The following ZNF644 variants were observed in gnomAD, a reference collection of about 807,000 sequenced individuals.
ZNF644 encodes zinc finger motif enhancer binding protein 2.
Under a neutral mutation model 108.0 loss-of-function variants are expected in ZNF644, and 20 were observed. The ratio of observed to expected loss-of-function variants is 0.19; its 90% CI spans 0.13 to 0.27. The LOEUF (loss-of-function observed/expected upper bound fraction) is 0.27. ZNF644 is among the 10% of genes least tolerant of loss of function. The probability of loss-of-function intolerance (pLI) is 1.00; values close to 1 mark genes in which losing one functional copy is unlikely to be tolerated. For missense variants in ZNF644, 1,338 were observed against 1,548.9 expected (o/e 0.86, Z 2.29); for synonymous variants, 542 against 539.1 (o/e 1.01, Z -0.08).
At chr1:90,989,923 C>T (rs541748035) in intron 1 of ZNF644, among the ~76,000 whole-genome samples, 1 of 152,122 alleles carries the variant, frequency 6.6e-6, no homozygotes, top group East Asian at 1.9e-4. Flanking sequence ...CCACTGTCCA[C>T]CAATGTATAA....
At chr1:90,973,566 G>C (rs1015222500) in intron 2 of ZNF644, among the ~76,000 whole-genome samples, 1 of 152,130 alleles carries the variant, frequency 6.6e-6, no homozygotes, top group African/African-American at 2.4e-5. Context: ...AAATAAGTCT[G>C]CATTTATCAT....
Position 91,013,690 on chromosome 1 carries a change from A to C in ZNF644, c.-18+8300T>G, listed in dbSNP as rs117500369. Among the ~76,000 whole-genome samples the C allele has an allele frequency of 2.3e-4, 35 of 152,264 alleles. No homozygotes were observed. The East Asian group carries it at 6.2e-3, about 27-fold the overall frequency. ...TTATTCTTTCCCTATACCCCATAGG[A>C]CTTACTATCTGTAATTGCACTGTCC... On this transcript the variant is annotated intron_variant, in intron 1 of 5. Transcript: ENST00000337393.
intron 4 of ZNF644, among the ~76,000 whole-genome samples, chr1:90,921,026 G>A (rs1649372987): frequency 6.6e-6 from 1 of 151,952 alleles, no homozygotes; most frequent in Admixed American, 6.6e-5. Context: ...TTAAAATTGA[G>A]TATTTAACAT....
intron 1 of ZNF644, chr1:91,021,741 G>A (rs920882576): frequency 5.1e-6 from 1 of 195,760 alleles, no homozygotes; most frequent in East Asian, 9.9e-5. Context: ...CCCCGAACCC[G>A]GGGCCCGGGC....
Position 90,918,039 on chromosome 1 carries a change from T to A in ZNF644, c.3791+13A>T. 1 of 1,604,656 alleles carries A rather than the reference T, an allele frequency of 6.2e-7. No individual in the cohort carries two copies. The highest frequency in any genetic ancestry group is 8.5e-7 in the Non-Finnish European group (1 of 1,171,442). ...TGAAGAAACTGATCAGATTTGGCAA[T>A]ATAGGCATATACCTGCATCGGAGAA... On this transcript the variant is annotated intron_variant, in intron 5 of 5. Coordinates refer to ENST00000337393, the MANE Select transcript of ZNF644 (RefSeq NM_201269.3).
At chr1:90,996,794 C>T (rs975566116) in intron 1 of ZNF644, among the ~76,000 whole-genome samples, 1 of 152,076 alleles carries the variant, frequency 6.6e-6, no homozygotes, top group African/African-American at 2.4e-5. Context: ...TAACTAAAAA[C>T]AAAAACCCAA....
chr1:90,991,276 T>C (rs1657609987), intron 1 of ZNF644, among the ~76,000 whole-genome samples: 1 of 152,302 alleles, frequency 6.6e-6, no homozygotes, highest in South Asian at 2.1e-4. Context: ...AGACCAACCA[T>C]ACCAAGTGTT....
At chr1:91,007,106 G>A (rs1008237580) in intron 1 of ZNF644, among the ~76,000 whole-genome samples, 5 of 149,756 alleles carry the variant, frequency 3.3e-5, no homozygotes, top group East Asian at 4.0e-4. Flanking sequence ...TCACCATGAT[G>A]TATCTTGATG....
intron 4 of ZNF644, chr1:90,918,360 A>G (rs1025361170): frequency 1.2e-5 from 7 of 566,488 alleles, no homozygotes; most frequent in Admixed American, 2.8e-5. Context: ...TATTATCTGT[A>G]CTGAAGAATA....
At chr1:90,957,938 A>G (rs1653915796) in intron 2 of ZNF644, among the ~76,000 whole-genome samples, 1 of 152,244 alleles carries the variant, frequency 6.6e-6, no homozygotes, top group Non-Finnish European at 1.5e-5. Context: ...CAAGCACAAC[A>G]GCAACATGCA....
chr1:90,957,145 T>A (rs764697914), intron 2 of ZNF644, among the ~76,000 whole-genome samples: 1 of 151,970 alleles, frequency 6.6e-6, no homozygotes, highest in Non-Finnish European at 1.5e-5. Context: ...GTAAAGAGAA[T>A]GAACTAATAA....
intron 1 of ZNF644, among the ~76,000 whole-genome samples, chr1:90,990,925 C>T (rs1052928596): frequency 2.0e-5 from 3 of 152,112 alleles, no homozygotes; most frequent in African/African-American, 7.2e-5. Context: ...AGAAGAACTA[C>T]AAAGTGGCAC....
At chr1:91,012,014 T>A (rs970958251) in intron 1 of ZNF644, among the ~76,000 whole-genome samples, 7 of 152,022 alleles carry the variant, frequency 4.6e-5, no homozygotes, top group Non-Finnish European at 1.5e-5. Flanking sequence ...AATTCAAATC[T>A]CTGCATTCTA....
chr1:90,930,945 T>A (rs1650665079), intron 4 of ZNF644, among the ~76,000 whole-genome samples: 1 of 152,184 alleles, frequency 6.6e-6, no homozygotes, highest in African/African-American at 2.4e-5. Context: ...CCTCAAAATA[T>A]ATTTTTTTTC....
At chr1:91,005,758 G>C (rs78703792) in intron 1 of ZNF644, among the ~76,000 whole-genome samples, 10 of 151,900 alleles carry the variant, frequency 6.6e-5, no homozygotes, top group Admixed American at 5.2e-4. Flanking sequence ...TAAAACTTAT[G>C]GGATGAAGTA....
In ZNF644 at chr1:90,940,195, A is replaced by C. The variant is rs1651800709; in HGVS notation, c.1159T>G (p.Leu387Val). Reference sequence around the variant, plus strand: ...TCACTCTCTTCACATTTCTTTTTTAAGGTATTTGAAAGAAAAGTGCTAGTA... The same window carrying C: ...TCACTCTCTTCACATTTCTTTTTTACGGTATTTGAAAGAAAAGTGCTAGTA... Reference protein sequence around the residue: ...VHTSTFLSNTLKKKCEESDSE... With the variant: ...VHTSTFLSNTVKKKCEESDSE... Residue 387 changes from leucine (L) to valine (V), a missense_variant, in exon 3 of 6, where the codon TTA becomes GTA. Physicochemically the swap from Leu to Val is conservative, Grantham distance 32. Around this residue, in one of 6 missense-constraint regions of ZNF644, gnomAD observed 464 missense variants for 457.9 expected, o/e 1.01. Coordinates refer to ENST00000337393, the MANE Select transcript of ZNF644 (RefSeq NM_201269.3). The C allele has an allele frequency of 4.3e-6, 7 of 1,613,814 alleles. No individual in the cohort carries two copies. The highest frequency in any genetic ancestry group is 5.1e-6 in the Non-Finnish European group (6 of 1,179,944).
At position 90,938,954 on chromosome 1, in the gene ZNF644, G is replaced by A. The variant is rs377568675; in HGVS notation, c.2400C>T (p.Phe800=). 45 of 1,613,844 alleles carry A rather than the reference G, an allele frequency of 2.8e-5. No individual in the cohort carries two copies. Among genetic ancestry groups the A allele is most frequent in the African/African-American group, 4.0e-5 (3 of 74,896 alleles). The change falls in exon 3 of 6, where the codon TTC becomes TTT. Residue 800 remains phenylalanine (F), a synonymous_variant. Coordinates refer to ENST00000337393, the MANE Select transcript of ZNF644 (RefSeq NM_201269.3). The surrounding 1 kb of genome is among the most constrained non-coding windows in gnomAD (Gnocchi z 4.2). ...HKPDAKRPES[F]KDHRRVAVKR... ...TTACAGCTACACGTCTGTGATCTTT[G>A]AAGCTTTCAGGCCTTTTGGCGTCAG...
intron 1 of ZNF644, among the ~76,000 whole-genome samples, chr1:90,987,288 A>AATTTT (rs1657204287): frequency 6.7e-6 from 1 of 150,010 alleles, no homozygotes; most frequent in African/African-American, 2.4e-5. Context: ...CAACAAAATC[A>AATTTT]ATAAACTCTT....
At chr1:90,959,821 A>G (rs1317071557) in intron 2 of ZNF644, among the ~76,000 whole-genome samples, 1 of 152,170 alleles carries the variant, frequency 6.6e-6, no homozygotes, top group African/African-American at 2.4e-5. Context: ...TAAATACAGT[A>G]GTCCCTCATC....
Sources: gnomAD v4.1 joint callset for allele counts (sites outside exome capture counted in the v4.1 genomes callset) on GRCh38, gnomAD v4.1.1 for gene constraint, gnomAD v4.1.1 regional missense constraint, Gnocchi (gnomAD v3.1) non-coding constraint, MANE v1.5 for transcripts, NCBI Gene and HGNC (gene_info 2026-07-23, HGNC 2026-07-21) for gene names.